The following JARID2 variants were observed in gnomAD, a reference collection of about 807,000 sequenced individuals.
JARID2 encodes protein Jumonji.
JARID2 carries 21 observed loss-of-function variants against 125.6 expected under a neutral mutation model. The observed-to-expected ratio is 0.17, with a 90% CI of 0.12 to 0.24. JARID2 has a LOEUF of 0.24. Among genes scored for constraint, JARID2 ranks in the 10% least tolerant of loss-of-function variants. The pLI is 1.00. For synonymous variants in JARID2, 736 were observed against 661.6 expected (o/e 1.11, Z -1.73); for missense variants, 1,303 against 1,639.6 (o/e 0.79, Z 3.55).
At position 15,284,976 on chromosome 6, in the gene JARID2, C is replaced by CA. The variant is rs532600311; in HGVS notation, c.45+38393dup. On this transcript the variant is annotated intron_variant, in intron 1 of 17. Coordinates refer to ENST00000341776, the MANE Select transcript of JARID2 (RefSeq NM_004973.4). ...CTGCGCCCCTCACCTGGATTGCAGT[C>CA]ACTGCTTGCTCTCATCTGTTGTACA... 3.3e-5 allele frequency among the ~76,000 whole-genome samples: 5 copies of CA among 152,178 alleles called. No individual in the cohort carries two copies. The East Asian group carries it at 9.7e-4, about 29-fold the overall frequency.
At chr6:15,427,337 T>G (rs1232132145) in intron 3 of JARID2, among the ~76,000 whole-genome samples, 2 of 152,240 alleles carry the variant, frequency 1.3e-5, no homozygotes, top group African/African-American at 2.4e-5. Flanking sequence ...CATTATTTGC[T>G]TCAGGCTCCT....
rs1408114728 is a variant in JARID2, at chr6:15,273,342, AT to A, written c.45+26762del. On this transcript the variant is annotated intron_variant, in intron 1 of 17. Transcript: ENST00000341776. ...TCTCTTTTCCAATTGTCCCTGCTAT[AT>A]TTTCTTCCTTGACAAACTATAAAAC... is the stretch of plus-strand genomic sequence containing the variant. Among the ~76,000 whole-genome samples the A allele has an allele frequency of 1.8e-4, 27 of 152,282 alleles. 2 individuals carry two copies. In the Middle Eastern group the frequency reaches 0.024, roughly 134 times the overall value.
intron 1 of JARID2, among the ~76,000 whole-genome samples, chr6:15,363,726 ATG>A (rs1024005917): frequency 2.0e-5 from 3 of 152,146 alleles, no homozygotes; most frequent in Admixed American, 6.5e-5. Context: ...TGTACAGGAA[ATG>A]TGTGTGCCCT....
chr6:15,283,193 C>T (rs146475941), intron 1 of JARID2, among the ~76,000 whole-genome samples: 4,312 of 148,888 alleles, frequency 0.029, 79 homozygotes, highest in Middle Eastern at 0.082. Context: ...TTAGCCAGGA[C>T]GGTCTCGATC....
chr6:15,505,484 A>G (rs555384831), intron 9 of JARID2, among the ~76,000 whole-genome samples: 1 of 151,998 alleles, frequency 6.6e-6, no homozygotes, highest in East Asian at 1.9e-4. Context: ...TGACCTTCAA[A>G]CCTGCTCAAA....
At chr6:15,470,886 T>G (rs972158560) in intron 5 of JARID2, among the ~76,000 whole-genome samples, 1 of 152,234 alleles carries the variant, frequency 6.6e-6, no homozygotes, top group African/African-American at 2.4e-5. Flanking sequence ...GTCTACTGTT[T>G]GGTGACCTGG....
intron 1 of JARID2, among the ~76,000 whole-genome samples, chr6:15,315,817 C>T (rs1392237717): frequency 1.3e-5 from 2 of 152,214 alleles, no homozygotes; most frequent in Non-Finnish European, 2.9e-5. Flanking sequence ...TGTGTGCTAA[C>T]TGGGCCCAGT....
rs145462948 is a variant in JARID2 at position 15,368,278 on chromosome 6, C to T, written c.46-5839C>T. Among the ~76,000 whole-genome samples the T allele has an allele frequency of 2.4e-3, 368 of 152,094 alleles. 1 individual carries two copies. Among genetic ancestry groups the T allele is most frequent in the African/African-American group, 8.0e-3 (333 of 41,478 alleles). Reference sequence around the variant, plus strand: ...TGTCTTTAAAATGAGTAGAGGAGAGCATCACAGGAAAATAAAATTGTATCA... The same window carrying T: ...TGTCTTTAAAATGAGTAGAGGAGAGTATCACAGGAAAATAAAATTGTATCA... On this transcript the variant is annotated intron_variant, in intron 1 of 17. Coordinates refer to ENST00000341776, the MANE Select transcript of JARID2 (RefSeq NM_004973.4).
intron 3 of JARID2, among the ~76,000 whole-genome samples, chr6:15,410,675 T>C (rs1765839858): frequency 6.6e-6 from 1 of 152,160 alleles, no homozygotes; most frequent in Non-Finnish European, 1.5e-5. Context: ...GCAGCAGCCA[T>C]CTTGAGGAAT....
chr6:15,457,070 C>A (rs1768216375), intron 4 of JARID2, among the ~76,000 whole-genome samples: 1 of 152,018 alleles, frequency 6.6e-6, no homozygotes, highest in Admixed American at 6.5e-5. Context: ...ATGTATAATA[C>A]ATATTTTTCC....
At chr6:15,263,347 A>C (rs901711738) in intron 1 of JARID2, among the ~76,000 whole-genome samples, 3 of 152,036 alleles carry the variant, frequency 2.0e-5, no homozygotes, top group Non-Finnish European at 2.9e-5. Flanking sequence ...GCAGAGGACT[A>C]TGGGGAGTAG....
Position 15,432,255 on chromosome 6 carries a change from C to A in JARID2, c.324-19751C>A, listed in dbSNP as rs1320136156. 5.9e-5 allele frequency among the ~76,000 whole-genome samples: 9 copies of A among 152,178 alleles called. No homozygotes were observed. The East Asian group carries it at 1.7e-3, about 29-fold the overall frequency. ...ACCAGCTTGGCCAACATGGTGAAAC[C>A]CTGTCTCTACTAAAAATACAAAATT... On this transcript the variant is annotated intron_variant, in intron 3 of 17. Transcript: ENST00000341776.
chr6:15,426,346 TTA>T (rs1227454993), intron 3 of JARID2, among the ~76,000 whole-genome samples: 1 of 152,216 alleles, frequency 6.6e-6, no homozygotes, highest in African/African-American at 2.4e-5. Flanking sequence ...CAGGATTGAA[TTA>T]TAAACTTTTC....
chr6:15,324,131 A>G (rs937134044), intron 1 of JARID2, among the ~76,000 whole-genome samples: 1 of 151,168 alleles, frequency 6.6e-6, no homozygotes, highest in African/African-American at 2.4e-5. Context: ...GTGAGCCAAG[A>G]TTGGGCCACT....
At chr6:15,469,278 C>A (rs1276898458) in intron 5 of JARID2, among the ~76,000 whole-genome samples, 2 of 94,736 alleles carry the variant, frequency 2.1e-5, no homozygotes, top group East Asian at 2.5e-4. Flanking sequence ...GTCTCTCTGT[C>A]TCTCTGTCTC....
At chr6:15,413,010 T>TTTTTTG (rs1561845299) in intron 3 of JARID2, among the ~76,000 whole-genome samples, 2 of 84,378 alleles carry the variant, frequency 2.4e-5, no homozygotes, top group Non-Finnish European at 5.3e-5. Context: ...GTGTTTTTGT[T>TTTTTTG]TTTTTTTTTT....
rs759145033 is a variant in JARID2 at position 15,374,217 on chromosome 6, C to T, written c.146C>T (p.Ala49Val). ...EFKNSQKRQH[A>V]EGIAGSLKTV... ...AAGAATTCCCAGAAGAGGCAGCATG[C>T]GGAAGGCATTGCTGGGAGCCTGAAA... The change falls in exon 2 of 18, where the codon GCG (alanine) becomes GTG (valine). Residue 49 changes from alanine to valine, a missense_variant. By Grantham distance (64) the Ala-to-Val change is moderately conservative. This residue lies in a region of JARID2 where 93 missense variants were observed against 120.4 expected (regional missense o/e 0.77). Coordinates refer to ENST00000341776, the MANE Select transcript of JARID2 (RefSeq NM_004973.4). 6 of 1,613,912 alleles carry T rather than the reference C, an allele frequency of 3.7e-6. No individual in the cohort carries two copies. The highest frequency in any genetic ancestry group is 1.7e-5 in the Admixed American group (1 of 60,002).
chr6:15,280,595 C>G (rs967601167), intron 1 of JARID2, among the ~76,000 whole-genome samples: 2 of 149,834 alleles, frequency 1.3e-5, no homozygotes, highest in Non-Finnish European at 3.0e-5. Flanking sequence ...CCACAAAATG[C>G]TAAGTAAAGG....
intron 1 of JARID2, among the ~76,000 whole-genome samples, chr6:15,269,726 C>A (rs2127350100): frequency 6.6e-6 from 1 of 152,080 alleles, no homozygotes; most frequent in Admixed American, 6.5e-5. Context: ...TGTCTAGGAG[C>A]CTTTACAAAC....
Sources: gnomAD v4.1 joint callset for allele counts (sites outside exome capture counted in the v4.1 genomes callset) on GRCh38, gnomAD v4.1.1 for gene constraint, gnomAD v4.1.1 regional missense constraint, MANE v1.5 for transcripts, NCBI Gene and HGNC (gene_info 2026-07-23, HGNC 2026-07-21) for gene names.